Variants in ZDHHC3 observed in about 807,000 individuals in gnomAD.
ZDHHC3 encodes the protein zDHHC palmitoyltransferase 3, also known as palmitoyltransferase ZDHHC3.
In ZDHHC3, 9 loss-of-function variants were observed where a neutral mutation model predicts 30.6. The observed-to-expected ratio is 0.29, with a 90% CI of 0.18 to 0.51. The LOEUF is 0.51. Ranked by LOEUF, ZDHHC3 falls within the 20% of genes least tolerant of loss-of-function variation. The pLI, the probability that ZDHHC3 is intolerant of heterozygous loss-of-function variation, is 0.97. For synonymous variants in ZDHHC3, 136 were observed against 140.2 expected (o/e 0.97, Z 0.21); for missense variants, 246 against 384.2 (o/e 0.64, Z 3.01).
chr3:44,916,835 T>G lies in ZDHHC3; in HGVS notation c.*9854A>C, dbSNP rs1390156662. 6.6e-6 allele frequency: 1 copy of G among 152,032 alleles called. No homozygotes were observed. 9.4% of individuals were successfully genotyped at this position (152,032 alleles called of 1,614,324 possible). ...CAGACTCATCCTGGTGGGGTGTGTG[T>G]GTGTGTGTGTGTGTTTGTCTATCTT... On this transcript the variant is annotated 3_prime_UTR_variant, in exon 7 of 7. Transcript: ENST00000424952.
intron 3 of ZDHHC3, among the ~76,000 whole-genome samples, chr3:44,941,272 C>T (rs1334541987): frequency 1.3e-5 from 2 of 152,144 alleles, no homozygotes; most frequent in Non-Finnish European, 1.5e-5. Context: ...GCAAAAAAGA[C>T]ATCTATACCA....
chr3:44,966,907 G>A (rs1704998486), intron 1 of ZDHHC3, among the ~76,000 whole-genome samples: 1 of 152,104 alleles, frequency 6.6e-6, no homozygotes, highest in Non-Finnish European at 1.5e-5. Context: ...CAGAAGAAAG[G>A]TGCCTTATCT....
chr3:44,933,988 A>G lies in ZDHHC3; in HGVS notation c.432-4T>C, dbSNP rs1701720392. On this transcript the variant is annotated splice_polypyrimidine_tract_variant and splice_region_variant and intron_variant, in intron 3 of 6. Transcript: ENST00000424952. ...CCGAATGCACCGCTTACAAACACTGAAACAGCCCACAGGTCAGACCTTTAG... is the reference window on the plus strand; with the variant it reads ...CCGAATGCACCGCTTACAAACACTGGAACAGCCCACAGGTCAGACCTTTAG... The G allele has an allele frequency of 6.2e-7, 1 of 1,614,048 alleles. No homozygotes were observed. The highest frequency in any genetic ancestry group is 1.1e-5 in the South Asian group (1 of 91,084).
At chr3:44,975,664 T>C (rs1009597026) in intron 1 of ZDHHC3, among the ~76,000 whole-genome samples, 5 of 151,006 alleles carry the variant, frequency 3.3e-5, no homozygotes, top group Admixed American at 6.6e-5. Flanking sequence ...CCAGCCATCC[T>C]AGGGACTAGA....
intron 1 of ZDHHC3, among the ~76,000 whole-genome samples, chr3:44,960,539 G>A (rs1053533577): frequency 6.6e-6 from 1 of 152,228 alleles, no homozygotes; most frequent in African/African-American, 2.4e-5. Flanking sequence ...TCCACAGCAT[G>A]TGCTGCAAGA....
At position 44,926,626 on chromosome 3, in the gene ZDHHC3, C is replaced by T. The variant is rs571573163; in HGVS notation, c.*63G>A. 1.7e-5 allele frequency: 24 copies of T among 1,406,526 alleles called. No homozygotes were observed. The highest frequency in any genetic ancestry group is 9.3e-5 in the South Asian group (5 of 53,766). 87.1% of individuals were successfully genotyped at this position (1,406,526 alleles called of 1,614,324 possible). A position where few individuals can be genotyped will look rare whatever the true frequency, so the allele number is the denominator to read the frequency against. The stretch of plus-strand genomic sequence containing the variant: ...TTTTCGATTTAAACATTCATGAGAA[C>T]GGATGGGACGGTAGTGCTGTGGTGT... On this transcript the variant is annotated 3_prime_UTR_variant, in exon 7 of 7. Coordinates refer to ENST00000424952, the MANE Select transcript of ZDHHC3 (RefSeq NM_001135179.2).
rs1700673163 is a variant in ZDHHC3, at chr3:44,922,585, A to G, written c.*4104T>C. 2 of 985,290 alleles carry G rather than the reference A, an allele frequency of 2.0e-6. No homozygotes were observed. Among genetic ancestry groups the G allele is most frequent in the African/African-American group, 1.7e-5 (1 of 57,234 alleles). The allele number at this position is 985,290 out of a possible 1,614,324, so 61.0% of individuals were successfully genotyped here. A position where few individuals can be genotyped will look rare whatever the true frequency, so the allele number is the denominator to read the frequency against. ...ACAATCAGCACACCCCAACTGCACT[A>G]TGCTGAGCCCAGCAGCACACAAGAC... On this transcript the variant is annotated 3_prime_UTR_variant, in exon 7 of 7. Coordinates refer to ENST00000424952, the MANE Select transcript of ZDHHC3 (RefSeq NM_001135179.2).
At chr3:44,963,024 T>C (rs1704616275) in intron 1 of ZDHHC3, among the ~76,000 whole-genome samples, 1 of 152,218 alleles carries the variant, frequency 6.6e-6, no homozygotes, top group Non-Finnish European at 1.5e-5. Flanking sequence ...ACTTAATACA[T>C]GTGTTGATTA....
Position 44,922,202 on chromosome 3 carries a change from A to G in ZDHHC3, c.*4487T>C, listed in dbSNP as rs1575756882. 6.1e-6 allele frequency: 6 copies of G among 985,482 alleles called. No homozygotes were observed. The South Asian group carries it at 2.3e-4, about 39-fold the overall frequency. 61.0% of individuals were successfully genotyped at this position (985,482 alleles called of 1,614,324 possible). A position where few individuals can be genotyped will look rare whatever the true frequency, so the allele number is the denominator to read the frequency against. On this transcript the variant is annotated 3_prime_UTR_variant, in exon 7 of 7. Transcript: ENST00000424952. ...TTTAAAGAATACAAGAAAAAGCCAC[A>G]TGGGTGTTGAAACCCACACGTAGAA... is the stretch of plus-strand genomic sequence containing the variant.
chr3:44,925,097 G>C lies in ZDHHC3; in HGVS notation c.*1592C>G, dbSNP rs1169504700. 3.0e-6 allele frequency: 3 copies of C among 985,788 alleles called. No homozygotes were observed. Among genetic ancestry groups the C allele is most frequent in the African/African-American group, 1.7e-5 (1 of 57,250 alleles). The allele number at this position is 985,788 out of a possible 1,614,324, so 61.1% of individuals were successfully genotyped here. On this transcript the variant is annotated 3_prime_UTR_variant, in exon 7 of 7. Transcript: ENST00000424952. The stretch of plus-strand genomic sequence containing the variant: ...GCAATGAAACAAACACCCAACCAGA[G>C]AAAACTCAAGTAGATTGTGGATAGT...
In ZDHHC3 at chr3:44,959,537, G is replaced by A. The variant is rs1704279967; in HGVS notation, c.-24-77C>T. 1.4e-5 allele frequency: 18 copies of A among 1,329,844 alleles called. No individual in the cohort carries two copies. The South Asian group carries it at 2.1e-4, about 16-fold the overall frequency. The allele number at this position is 1,329,844 out of a possible 1,614,324, so 82.4% of individuals were successfully genotyped here. On this transcript the variant is annotated intron_variant, in intron 1 of 6. Transcript: ENST00000424952. The surrounding 1 kb of genome is among the most constrained non-coding windows in gnomAD (Gnocchi z 4.3). Reference sequence around the variant, plus strand: ...GAGGTTTGACAAAATTGCTCCCATAGTGAGTTGTGATTACTTATCTGCAAC... The same window carrying A: ...GAGGTTTGACAAAATTGCTCCCATAATGAGTTGTGATTACTTATCTGCAAC...
At position 44,922,248 on chromosome 3, in the gene ZDHHC3, C is replaced by G; in HGVS notation, c.*4441G>C. 1 of 985,464 alleles carries G rather than the reference C, an allele frequency of 1.0e-6. No individual in the cohort carries two copies. Among genetic ancestry groups the G allele is most frequent in the East Asian group, 1.1e-4 (1 of 8,818 alleles). 61.0% of individuals were successfully genotyped at this position (985,464 alleles called of 1,614,324 possible). A position where few individuals can be genotyped will look rare whatever the true frequency, so the allele number is the denominator to read the frequency against. ...TAGAAAGCAAAGGTCAAGACGTGTT[C>G]AGGTCATGTATCCAGGCTGCTACAA... On this transcript the variant is annotated 3_prime_UTR_variant, in exon 7 of 7. Transcript: ENST00000424952.
intron 3 of ZDHHC3, chr3:44,938,120 A>G: frequency 4.3e-6 from 1 of 233,882 alleles, no homozygotes. Flanking sequence ...AGTAGATGGG[A>G]CTACAGGCAT....
intron 1 of ZDHHC3, among the ~76,000 whole-genome samples, chr3:44,974,991 A>G (rs1705766070): frequency 6.6e-6 from 1 of 151,492 alleles, no homozygotes; most frequent in Non-Finnish European, 1.5e-5. Flanking sequence ...CACAAAGCCT[A>G]TCTATAGTAG....
chr3:44,970,972 G>C (rs1486838294), intron 1 of ZDHHC3, among the ~76,000 whole-genome samples: 1 of 152,186 alleles, frequency 6.6e-6, no homozygotes, highest in Non-Finnish European at 1.5e-5. Context: ...AAGTCATAAA[G>C]CAAGTTAATA....
chr3:44,959,422 G>A lies in ZDHHC3; in HGVS notation c.15C>T (p.Pro5=), dbSNP rs1704267787. ...GCTCAATGTTTCGGAAGTGGTGGGT[G>A]GGGATAAGCATCATAAGCTATTCTG... is the stretch of plus-strand genomic sequence containing the variant. MMLI[P]THHFRNIERK... Residue 5 remains proline, a synonymous_variant, in exon 2 of 7, where the codon CCC becomes CCT. Transcript: ENST00000424952. This position sits in a 1 kb window ranked among gnomAD's most constrained non-coding sequence, Gnocchi z 4.3. 1.2e-6 allele frequency: 2 copies of A among 1,613,814 alleles called. No homozygotes were observed. Among genetic ancestry groups the A allele is most frequent in the South Asian group, 1.1e-5 (1 of 91,082 alleles).
Position 44,923,009 on chromosome 3 carries a change from A to G in ZDHHC3, c.*3680T>C. 6 of 985,394 alleles carry G rather than the reference A, an allele frequency of 6.1e-6. No individual in the cohort carries two copies. Among genetic ancestry groups the G allele is most frequent in the Non-Finnish European group, 7.2e-6 (6 of 829,916 alleles). The allele number at this position is 985,394 out of a possible 1,614,324, so 61.0% of individuals were successfully genotyped here. ...TTTAAAACCCATTAGCCTGGCTGAG[A>G]AAGCCCATCCCAGCCCACCCGGAGA... is the stretch of plus-strand genomic sequence containing the variant. On this transcript the variant is annotated 3_prime_UTR_variant, in exon 7 of 7. Transcript: ENST00000424952.
At chr3:44,928,467 G>A (rs1425119445) in intron 6 of ZDHHC3, among the ~76,000 whole-genome samples, 1 of 152,134 alleles carries the variant, frequency 6.6e-6, no homozygotes, top group Admixed American at 6.5e-5. Context: ...AGCTGACCCT[G>A]AGGTGGCCTC....
chr3:44,931,815 C>T lies in ZDHHC3; in HGVS notation c.610+1303G>A, dbSNP rs1701514937. 3.9e-5 allele frequency among the ~76,000 whole-genome samples: 6 copies of T among 152,238 alleles called. No homozygotes were observed. In the South Asian group the frequency reaches 1.2e-3, roughly 32 times the overall value. On this transcript the variant is annotated intron_variant, in intron 5 of 6. Coordinates refer to ENST00000424952, the MANE Select transcript of ZDHHC3 (RefSeq NM_001135179.2). ...CTTGTTAGCTGAGTGATCCTGGAAA[C>T]TTGTTCATCCTCTGTGAGCCACAGC...
Sources: gnomAD v4.1 joint callset for allele counts (sites outside exome capture counted in the v4.1 genomes callset) on GRCh38, gnomAD v4.1.1 for gene constraint, Gnocchi (gnomAD v3.1) non-coding constraint, MANE v1.5 for transcripts, NCBI Gene and HGNC (gene_info 2026-07-23, HGNC 2026-07-21) for gene names.